PIAS1: variants seen among roughly 807,000 people sequenced by gnomAD.
PIAS1 encodes protein inhibitor of activated STAT 1, also known as E3 SUMO-protein ligase PIAS1.
A neutral mutation model predicts 71.3 loss-of-function variants in PIAS1; 6 were observed. That is an observed-to-expected ratio of 0.08 (90% CI 0.05 to 0.17). The LOEUF (loss-of-function observed/expected upper bound fraction) is 0.17. PIAS1 is among the 10% of genes least tolerant of loss of function. The pLI is 1.00. For missense variants in PIAS1, 555 were observed against 793.6 expected, an observed-to-expected ratio of 0.70 and a Z score of 3.61; for synonymous variants, 303 against 292.9, an observed-to-expected ratio of 1.03 and a Z score of -0.35.
chr15:68,093,887 C>G (rs1289113964), intron 2 of PIAS1, among the ~76,000 whole-genome samples: 3 of 152,048 alleles, frequency 2.0e-5, no homozygotes, highest in Non-Finnish European at 4.4e-5. Context: ...ACTGCCTTTT[C>G]TTGGTCCTCC....
chr15:68,170,465 A>G (rs2092984454), intron 8 of PIAS1, among the ~76,000 whole-genome samples: 2 of 152,200 alleles, frequency 1.3e-5, no homozygotes, highest in African/African-American at 4.8e-5. Context: ...TGTATGGGGC[A>G]CTTACTATGA....
intron 7 of PIAS1, among the ~76,000 whole-genome samples, chr15:68,155,635 CCAGA>C (rs562904406): frequency 1.1e-4 from 17 of 152,044 alleles, no homozygotes; most frequent in Middle Eastern, 3.2e-3. Flanking sequence ...AGTAGTCAAG[CCAGA>C]CACTCTTATG....
In PIAS1 at chr15:68,176,347, G is replaced by T. The variant is rs1028411121; in HGVS notation, c.1301-127G>T. 25 of 488,984 alleles carry T rather than the reference G, an allele frequency of 5.1e-5. No individual in the cohort carries two copies. The Admixed American group carries it at 8.4e-4, about 16-fold the overall frequency. The allele number at this position is 488,984 out of a possible 1,614,324, so 30.3% of individuals were successfully genotyped here. On this transcript the variant is annotated intron_variant, in intron 10 of 13. Transcript: ENST00000249636. ...AACTTAGAAGAACAGAGCCACTGTT[G>T]GTTTTCTACTCTCTGGCTCCAACAA...
At chr15:68,061,385 C>T (rs2091957609) in intron 1 of PIAS1, 1 of 152,220 alleles carries the variant, frequency 6.6e-6, no homozygotes, top group Non-Finnish European at 1.5e-5. Context: ...ATTCCCTCTA[C>T]TCTTGGTTTC....
intron 2 of PIAS1, among the ~76,000 whole-genome samples, chr15:68,135,929 G>A (rs1183459849): frequency 2.8e-5 from 1 of 36,010 alleles, no homozygotes; most frequent in Admixed American, 2.3e-4. Flanking sequence ...AGACGGGGCC[G>A]CGGGGCAGAG....
At chr15:68,139,645 A>G (rs1028538280) in intron 2 of PIAS1, among the ~76,000 whole-genome samples, 2 of 152,134 alleles carry the variant, frequency 1.3e-5, no homozygotes, top group Non-Finnish European at 2.9e-5. Context: ...TTGTCAGTTA[A>G]TTTTTTTAAC....
chr15:68,135,715 G>A (rs1168249269), intron 2 of PIAS1, among the ~76,000 whole-genome samples: 2 of 57,290 alleles, frequency 3.5e-5, no homozygotes, highest in African/African-American at 8.4e-5. Context: ...GGGCGGAGAC[G>A]CTCCTCACTT....
At chr15:68,100,625 C>A (rs1399481506) in intron 2 of PIAS1, among the ~76,000 whole-genome samples, 1 of 152,174 alleles carries the variant, frequency 6.6e-6, no homozygotes, top group African/African-American at 2.4e-5. Context: ...TATTCATATA[C>A]AATTTCCTGT....
At chr15:68,119,040 C>A (rs2092590102) in intron 2 of PIAS1, among the ~76,000 whole-genome samples, 1 of 151,670 alleles carries the variant, frequency 6.6e-6, no homozygotes, top group South Asian at 2.1e-4. Flanking sequence ...ACCTATACAT[C>A]TGATAAGGGG....
intron 8 of PIAS1, among the ~76,000 whole-genome samples, chr15:68,165,687 A>C (rs2092953196): frequency 6.6e-6 from 1 of 152,218 alleles, no homozygotes; most frequent in South Asian, 2.1e-4. Context: ...GTAAGGGAAA[A>C]GGTCTCAAAA....
At chr15:68,098,700 A>G (rs1383696799) in intron 2 of PIAS1, among the ~76,000 whole-genome samples, 3 of 152,154 alleles carry the variant, frequency 2.0e-5, no homozygotes, top group African/African-American at 7.2e-5. Flanking sequence ...TGCACCTACA[A>G]ACAAACATAT....
intron 4 of PIAS1, among the ~76,000 whole-genome samples, chr15:68,144,133 A>G (rs2092791498): frequency 1.3e-5 from 2 of 151,808 alleles, no homozygotes; most frequent in Admixed American, 1.3e-4. Context: ...AAAAAAAAAA[A>G]AAAGAACCAT....
At chr15:68,133,493 C>CA (rs1264369095) in intron 2 of PIAS1, among the ~76,000 whole-genome samples, 2 of 151,596 alleles carry the variant, frequency 1.3e-5, no homozygotes, top group African/African-American at 2.4e-5. Context: ...GAAGCTATAA[C>CA]AAAAAATAGA....
chr15:68,182,977 C>T (rs917222328), intron 12 of PIAS1, among the ~76,000 whole-genome samples: 2 of 152,194 alleles, frequency 1.3e-5, no homozygotes, highest in African/African-American at 4.8e-5. Context: ...TTCACTTGCT[C>T]TTCATCGCAT....
intron 1 of PIAS1, among the ~76,000 whole-genome samples, chr15:68,070,095 TTTGA>T (rs1567026469): frequency 6.6e-6 from 1 of 152,128 alleles, no homozygotes; most frequent in Non-Finnish European, 1.5e-5. Flanking sequence ...TTGTAGGAAG[TTTGA>T]TTGCTGGCTC....
chr15:68,161,323 T>C (rs2092922594), intron 7 of PIAS1, among the ~76,000 whole-genome samples: 1 of 152,184 alleles, frequency 6.6e-6, no homozygotes, highest in Non-Finnish European at 1.5e-5. Context: ...CGGAGAGATA[T>C]ATCTTGCTAA....
At chr15:68,112,015 A>AT (rs2092526787) in intron 2 of PIAS1, among the ~76,000 whole-genome samples, 1 of 152,048 alleles carries the variant, frequency 6.6e-6, no homozygotes, top group Non-Finnish European at 1.5e-5. Context: ...CTCTTTGGTG[A>AT]TTACTTTGCG....
intron 2 of PIAS1, among the ~76,000 whole-genome samples, chr15:68,106,972 G>A (rs1223101983): frequency 1.3e-5 from 2 of 152,136 alleles, no homozygotes; most frequent in Admixed American, 6.6e-5. Context: ...TAAAAGACTA[G>A]CATATTCAGC....
In PIAS1 at chr15:68,130,424, A is replaced by C. The variant is rs865785818; in HGVS notation, c.470-11522A>C. Reference sequence around the variant, plus strand: ...GTTTCCAGATATATTAAACATTCCAAATGTTTTTTTCTACATGTATATGCA... The same window carrying C: ...GTTTCCAGATATATTAAACATTCCACATGTTTTTTTCTACATGTATATGCA... On this transcript the variant is annotated intron_variant, in intron 2 of 13. Transcript: ENST00000249636. Among the ~76,000 whole-genome samples the C allele has an allele frequency of 2.1e-4, 32 of 152,048 alleles. 1 individual carries two copies. The highest frequency in any genetic ancestry group is 7.0e-4 in the African/African-American group (29 of 41,554).
Sources: allele counts gnomAD v4.1 joint callset (sites outside exome capture counted in the v4.1 genomes callset), GRCh38; gene constraint gnomAD v4.1.1; transcripts MANE v1.5; gene names NCBI Gene and HGNC (gene_info 2026-07-23, HGNC 2026-07-21).